Variants in CSMD1 observed in about 807,000 individuals in gnomAD.
CSMD1 encodes CUB and Sushi multiple domains 1.
In CSMD1, 213 loss-of-function variants were observed where a neutral mutation model predicts 417.5. That is an observed-to-expected ratio of 0.51 (90% confidence interval 0.46 to 0.57). CSMD1 has a LOEUF of 0.57. Among genes scored for constraint, CSMD1 ranks in the 20% least tolerant of loss-of-function variants. The probability of loss-of-function intolerance (pLI) is 0.00; values close to 1 mark genes in which losing one functional copy is unlikely to be tolerated. For synonymous variants in CSMD1, 2,862 were observed against 1,736.8 expected, an observed-to-expected ratio of 1.65 and a Z score of -16.11; for missense variants, 6,923 against 4,529.7, an observed-to-expected ratio of 1.53 and a Z score of -15.17.
intron 10 of CSMD1, among the ~76,000 whole-genome samples, chr8:3,540,538 T>C (rs1293901841): frequency 2.0e-5 from 3 of 152,146 alleles, no homozygotes; most frequent in Non-Finnish European, 4.4e-5. Context: ...AAATGGGATC[T>C]AATTAAAGTA....
chr8:3,505,822 C>T (rs1563103058), intron 10 of CSMD1, among the ~76,000 whole-genome samples: 2 of 152,168 alleles, frequency 1.3e-5, no homozygotes, highest in South Asian at 2.1e-4. Flanking sequence ...TCTCAGGTAT[C>T]GTATCAACAC....
rs140904492 is a variant in CSMD1, at chr8:4,233,015, C to T, written c.415+186938G>A. On this transcript the variant is annotated intron_variant, in intron 3 of 69. Transcript: ENST00000635120. ...GAGGATAGACGTGGTGTCATGTCTA[C>T]ATGCACCTGCAGATCAAAACCACAA... 5.1e-3 allele frequency among the ~76,000 whole-genome samples: 774 copies of T among 152,234 alleles called. 3 individuals carry two copies. The highest frequency in any genetic ancestry group is 0.017 in the African/African-American group (694 of 41,554).
At chr8:3,502,384 A>C (rs973720159) in intron 10 of CSMD1, among the ~76,000 whole-genome samples, 5 of 149,472 alleles carry the variant, frequency 3.3e-5, no homozygotes, top group Non-Finnish European at 7.4e-5. Context: ...AAAAAAAAGA[A>C]GTATTTCCAC....
At chr8:3,415,101 G>A (rs1023760905) in intron 12 of CSMD1, among the ~76,000 whole-genome samples, 6 of 151,704 alleles carry the variant, frequency 4.0e-5, no homozygotes, top group South Asian at 2.1e-4. Context: ...ATTTTTATTC[G>A]CACTCACATT....
intron 2 of CSMD1, among the ~76,000 whole-genome samples, chr8:4,528,977 G>C (rs1796662015): frequency 6.6e-6 from 1 of 152,256 alleles, no homozygotes; most frequent in South Asian, 2.1e-4. Context: ...GTCTTTGTGA[G>C]ATTTATTAAC....
chr8:4,643,427 C>A (rs2725006), intron 1 of CSMD1, among the ~76,000 whole-genome samples: 98,765 of 151,998 alleles, frequency 0.65, 32,307 homozygotes, highest in South Asian at 0.76. Flanking sequence ...TAGTCAATTT[C>A]TATTGTATAC....
chr8:4,357,565 T>C (rs1246060536), intron 3 of CSMD1, among the ~76,000 whole-genome samples: 1 of 152,208 alleles, frequency 6.6e-6, no homozygotes, highest in Non-Finnish European at 1.5e-5. Flanking sequence ...AAAAAATCTG[T>C]CATTCTCCAT....
At chr8:3,345,722 A>T (rs1807944807) in intron 22 of CSMD1, among the ~76,000 whole-genome samples, 1 of 152,194 alleles carries the variant, frequency 6.6e-6, no homozygotes, top group South Asian at 2.1e-4. Context: ...TTCAGCATTT[A>T]ATGCCATATA....
intron 3 of CSMD1, among the ~76,000 whole-genome samples, chr8:4,298,776 A>C (rs1219214291): frequency 6.6e-6 from 1 of 152,080 alleles, no homozygotes; most frequent in African/African-American, 2.4e-5. Flanking sequence ...CTTTTGAATA[A>C]ATTTATTTTG....
rs534607850 is a variant in CSMD1, at chr8:3,499,954, G to A, written c.1345-6228C>T. On this transcript the variant is annotated intron_variant, in intron 10 of 69. Transcript: ENST00000635120. ...CTCCCCGGAGCAAAACAGTCATGTG[G>A]GCTGCAGGTAGCTCCCTACCCTTGG... is the stretch of plus-strand genomic sequence containing the variant. 2.6e-5 allele frequency among the ~76,000 whole-genome samples: 4 copies of A among 152,042 alleles called. 1 individual carries two copies. In the South Asian group the frequency reaches 8.3e-4, roughly 32 times the overall value.
intron 1 of CSMD1, among the ~76,000 whole-genome samples, chr8:4,676,396 C>A (rs1407774040): frequency 2.0e-5 from 3 of 152,180 alleles, no homozygotes; most frequent in African/African-American, 4.8e-5. Flanking sequence ...ACTTTGACTT[C>A]CCCATCCACC....
intron 3 of CSMD1, among the ~76,000 whole-genome samples, chr8:4,193,466 T>C (rs961885700): frequency 6.6e-6 from 1 of 152,122 alleles, no homozygotes; most frequent in Non-Finnish European, 1.5e-5. Flanking sequence ...TTTCCCTGGA[T>C]GGAATGATGG....
chr8:3,491,143 G>C (rs190990973), intron 11 of CSMD1, among the ~76,000 whole-genome samples: 2 of 152,234 alleles, frequency 1.3e-5, no homozygotes, highest in East Asian at 1.9e-4. Flanking sequence ...AATGCGGTGA[G>C]AGCGTGAGTG....
At chr8:3,905,612 G>A (rs1357164752) in intron 5 of CSMD1, among the ~76,000 whole-genome samples, 15 of 152,202 alleles carry the variant, frequency 9.9e-5, no homozygotes, top group Admixed American at 9.8e-4. Flanking sequence ...CCACTTCAGT[G>A]TGACTGAAAA....
chr8:3,162,509 G>C (rs1182561248), intron 37 of CSMD1, among the ~76,000 whole-genome samples: 1 of 152,010 alleles, frequency 6.6e-6, no homozygotes, highest in African/African-American at 2.4e-5. Flanking sequence ...TCAAGGCTTT[G>C]ATTTCAATAA....
chr8:4,986,390 G>A (rs145393339), intron 1 of CSMD1, among the ~76,000 whole-genome samples: 1 of 152,110 alleles, frequency 6.6e-6, no homozygotes, highest in African/African-American at 2.4e-5. Flanking sequence ...GACACTTTCT[G>A]TTAAAAAAGA....
intron 10 of CSMD1, among the ~76,000 whole-genome samples, chr8:3,556,792 C>A (rs1402612953): frequency 6.6e-6 from 1 of 152,144 alleles, no homozygotes; most frequent in South Asian, 2.1e-4. Context: ...AGAAAGACTG[C>A]CAAAAGAGGC....
intron 26 of CSMD1, among the ~76,000 whole-genome samples, chr8:3,268,508 C>G (rs1041351832): frequency 2.6e-5 from 4 of 151,956 alleles, no homozygotes; most frequent in Middle Eastern, 3.4e-3. Context: ...CCAGGATGGT[C>G]TCAATTTCCT....
At chr8:4,807,561 G>A (rs1798662253) in intron 1 of CSMD1, among the ~76,000 whole-genome samples, 1 of 152,118 alleles carries the variant, frequency 6.6e-6, no homozygotes, top group African/African-American at 2.4e-5. Flanking sequence ...TGTTCCGTGG[G>A]CCTGAGCTTT....
Sources: allele counts gnomAD v4.1 joint callset (sites outside exome capture counted in the v4.1 genomes callset), GRCh38; gene constraint gnomAD v4.1.1; transcripts MANE v1.5; gene names NCBI Gene and HGNC (gene_info 2026-07-23, HGNC 2026-07-21).